Variants in KCNMA1 observed in about 807,000 individuals in gnomAD.
KCNMA1 encodes potassium calcium-activated channel subfamily M alpha 1.
A neutral mutation model predicts 140.0 loss-of-function variants in KCNMA1; 29 were observed. The ratio of observed to expected loss-of-function variants is 0.21; its 90% CI spans 0.15 to 0.28. KCNMA1 has a LOEUF of 0.28. Ranked by LOEUF, KCNMA1 falls within the 10% of genes least tolerant of loss-of-function variation. KCNMA1 has a pLI of 1.00. For synonymous variants in KCNMA1, 612 were observed against 611.9 expected, an observed-to-expected ratio of 1.00 and a Z score of 0.00; for missense variants, 880 against 1,602.2, an observed-to-expected ratio of 0.55 and a Z score of 7.70.
At chr10:77,007,653 G>GTGTGTATATATATATATATATATATATA in intron 18 of KCNMA1, among the ~76,000 whole-genome samples, 12 of 88,462 alleles carry the variant, frequency 1.4e-4, no homozygotes, top group African/African-American at 3.6e-4. Flanking sequence ...TTGTGTGTGT[G>GTGTGTATATATATATATATATATATATA]TATATATATA....
intron 25 of KCNMA1, among the ~76,000 whole-genome samples, chr10:76,898,455 T>G (rs762844354): frequency 1.8e-4 from 28 of 151,644 alleles, no homozygotes; most frequent in Non-Finnish European, 2.7e-4. Context: ...GATAAGAAAA[T>G]TGAGGATATA....
chr10:77,039,737 T>C, intron 14 of KCNMA1, 100 bp from the exon 15 acceptor site: 1 of 757,622 alleles, frequency 1.3e-6, no homozygotes, highest in Non-Finnish European at 2.4e-6. Context: ...AATGCACTGG[T>C]TAGATAATGG....
At chr10:77,494,523 T>C (rs1296064628) in intron 1 of KCNMA1, among the ~76,000 whole-genome samples, 1 of 152,222 alleles carries the variant, frequency 6.6e-6, no homozygotes, top group Non-Finnish European at 1.5e-5. Flanking sequence ...TGGCAGCCGC[T>C]GCTCACAGAG....
chr10:77,108,729 G>A lies in KCNMA1; in HGVS notation c.1132-157C>T, dbSNP rs373611882. On this transcript the variant is annotated intron_variant, in intron 8 of 27. Transcript: ENST00000286628. The surrounding 1 kb of genome is among the most constrained non-coding windows in gnomAD (Gnocchi z 4.6). ...TTGGATCATAAAAAACTAAAAGCAC[G>A]AAGAGAGCAAGCTCCCAGAAATACA... is the stretch of plus-strand genomic sequence containing the variant. 7.2e-5 allele frequency among the ~76,000 whole-genome samples: 11 copies of A among 152,050 alleles called. No individual in the cohort carries two copies. The highest frequency in any genetic ancestry group is 1.9e-4 in the African/African-American group (8 of 41,404).
At chr10:77,310,203 TCTC>T (rs1165074910) in intron 2 of KCNMA1, among the ~76,000 whole-genome samples, 1 of 152,136 alleles carries the variant, frequency 6.6e-6, no homozygotes, top group Non-Finnish European at 1.5e-5. Flanking sequence ...ACTAAACCAG[TCTC>T]TCAAATATTG....
Position 77,017,430 on chromosome 10 carries a change from T to C in KCNMA1, c.2015+1583A>G, listed in dbSNP as rs554125051. The stretch of plus-strand genomic sequence containing the variant: ...TAATCCTAATTTCCCTTCTCAGGTG[T>C]ACCCAGTTCTCAGGATACTCTTGAA... On this transcript the variant is annotated intron_variant, in intron 17 of 27. Coordinates refer to ENST00000286628, the MANE Select transcript of KCNMA1 (RefSeq NM_001161352.2). Among the ~76,000 whole-genome samples the C allele has an allele frequency of 5.9e-5, 9 of 152,308 alleles. No homozygotes were observed. The East Asian group carries it at 1.7e-3, about 29-fold the overall frequency.
chr10:77,415,646 T>C (rs1260346165), intron 1 of KCNMA1, among the ~76,000 whole-genome samples: 1 of 152,242 alleles, frequency 6.6e-6, no homozygotes, highest in Non-Finnish European at 1.5e-5. Flanking sequence ...AGTTAACTTT[T>C]ACCGGAGGGA....
In KCNMA1 at chr10:76,887,163, G is replaced by C. The variant is rs201294599; in HGVS notation, c.*103C>G. The stretch of plus-strand genomic sequence containing the variant: ...TATGCAAATATGTGTAAAAAAAAAG[G>C]GGGGGACTACAGGGGAAAACAGGGA... On this transcript the variant is annotated 3_prime_UTR_variant, in exon 28 of 28. Coordinates refer to ENST00000286628, the MANE Select transcript of KCNMA1 (RefSeq NM_001161352.2). 8 of 1,611,022 alleles carry C rather than the reference G, an allele frequency of 5.0e-6. No individual in the cohort carries two copies. The highest frequency in any genetic ancestry group is 2.7e-5 in the African/African-American group (2 of 74,882).
chr10:77,219,654 C>G (rs973344399), intron 3 of KCNMA1, among the ~76,000 whole-genome samples: 2 of 152,162 alleles, frequency 1.3e-5, no homozygotes, highest in African/African-American at 4.8e-5. Context: ...GAGTTTTGCT[C>G]TGTCGCCCAG....
intron 1 of KCNMA1, among the ~76,000 whole-genome samples, chr10:77,444,479 TTTGA>T (rs928659906): frequency 6.6e-6 from 1 of 152,150 alleles, no homozygotes; most frequent in African/African-American, 2.4e-5. Context: ...AACTAATGAC[TTTGA>T]TTGAAATTAA....
chr10:76,876,716 ACT>A (rs2032451324), downstream of KCNMA1: 1 of 152,200 alleles, frequency 6.6e-6, no homozygotes, highest in African/African-American at 2.4e-5. Context: ...TTAAACAAAA[ACT>A]CAGTGAGAAG....
chr10:77,553,802 G>A (rs1040549905), intron 1 of KCNMA1, among the ~76,000 whole-genome samples: 1 of 152,174 alleles, frequency 6.6e-6, no homozygotes, highest in South Asian at 2.1e-4. Flanking sequence ...CCCCACCCAA[G>A]TGTCATCTTG....
chr10:77,297,460 T>C (rs1200527857), intron 2 of KCNMA1, among the ~76,000 whole-genome samples: 1 of 152,206 alleles, frequency 6.6e-6, no homozygotes, highest in Non-Finnish European at 1.5e-5. Flanking sequence ...TTTTCCTTCA[T>C]TCAAGTAACA....
At chr10:77,455,314 C>T (rs571650594) in intron 1 of KCNMA1, among the ~76,000 whole-genome samples, 1 of 152,222 alleles carries the variant, frequency 6.6e-6, no homozygotes, top group African/African-American at 2.4e-5. Flanking sequence ...TAATGGAACT[C>T]GAACCCAGGA....
At chr10:77,603,205 C>T (rs932079383) in intron 1 of KCNMA1, among the ~76,000 whole-genome samples, 7 of 152,152 alleles carry the variant, frequency 4.6e-5, no homozygotes, top group Non-Finnish European at 8.8e-5. Context: ...CTCCTTGTAC[C>T]ACTAAAAATA....
chr10:77,372,542 G>A lies in KCNMA1; in HGVS notation c.540+31320C>T, dbSNP rs116191065. Among the ~76,000 whole-genome samples the A allele has an allele frequency of 1.8e-3, 273 of 152,082 alleles. 1 individual carries two copies. Among genetic ancestry groups the A allele is most frequent in the African/African-American group, 6.3e-3 (260 of 41,476 alleles). ...CAAGTCACTCCTCTCTCTAGGCGCC[G>A]CAGTCCTTTGCTCTTGCCTGCCACA... On this transcript the variant is annotated intron_variant, in intron 2 of 27. Transcript: ENST00000286628.
intron 1 of KCNMA1, among the ~76,000 whole-genome samples, chr10:77,613,761 A>C (rs1295516477): frequency 6.6e-6 from 1 of 152,226 alleles, no homozygotes; most frequent in Non-Finnish European, 1.5e-5. Context: ...GGCTCCTCTC[A>C]CGATAGCTGG....
chr10:77,360,379 C>T (rs78260381), intron 2 of KCNMA1, among the ~76,000 whole-genome samples: 5,882 of 148,850 alleles, frequency 0.04, 195 homozygotes, highest in Middle Eastern at 0.13. Flanking sequence ...AGAACTATGT[C>T]GTCTGTGAGC....
chr10:76,948,262 T>C (rs927930108), intron 22 of KCNMA1, among the ~76,000 whole-genome samples: 2 of 152,094 alleles, frequency 1.3e-5, no homozygotes, highest in Non-Finnish European at 2.9e-5. Context: ...CGCCTCAGCA[T>C]CCCAAAATGC....
Sources: gnomAD v4.1 joint callset for allele counts (sites outside exome capture counted in the v4.1 genomes callset) on GRCh38, gnomAD v4.1.1 for gene constraint, Gnocchi (gnomAD v3.1) non-coding constraint, MANE v1.5 for transcripts, NCBI Gene and HGNC (gene_info 2026-07-23, HGNC 2026-07-21) for gene names.